FREM1: variants seen among roughly 807,000 people sequenced by gnomAD.
FREM1 encodes FRAS1-related extracellular matrix protein 1.
Under a neutral mutation model 210.1 loss-of-function variants are expected in FREM1, and 220 were observed. The observed-to-expected ratio is 1.05, with a 90% CI of 0.94 to 1.17. The LOEUF is 1.17. FREM1 is among the 50% of genes most tolerant of loss of function. The pLI, the probability that FREM1 is intolerant of heterozygous loss-of-function variation, is 0.00. For missense variants in FREM1, 3,454 were observed against 2,675.5 expected (o/e 1.29, Z -6.42); for synonymous variants, 1,189 against 980.2 (o/e 1.21, Z -3.98).
intron 36 of FREM1, 113 bp downstream of exon 36, chr9:14,740,036 T>A: frequency 1.7e-6 from 1 of 581,180 alleles, no homozygotes; most frequent in South Asian, 3.5e-5. Context: ...TGGTTGCCTA[T>A]TATTGTAAAC....
At position 14,747,358 on chromosome 9, in the gene FREM1, G is replaced by T; in HGVS notation, c.5915C>A (p.Ser1972Tyr). 2 of 1,613,614 alleles carry T rather than the reference G, an allele frequency of 1.2e-6. No homozygotes were observed. Among genetic ancestry groups the T allele is most frequent in the Non-Finnish European group, 1.7e-6 (2 of 1,179,682 alleles). ...TGTCTTTTGTGGCTGACTAATGATGGATACTTTGGCCTTCCTTTTGTGAGT... is the reference window on the plus strand; with the variant it reads ...TGTCTTTTGTGGCTGACTAATGATGTATACTTTGGCCTTCCTTTTGTGAGT... ...FPTHKRKAKV[S>Y]IISQPQKTIK... The change falls in exon 33 of 37, where the codon TCC becomes TAC. Residue 1972 changes from serine to tyrosine, a missense_variant. Ser to Tyr is a moderately radical substitution (Grantham distance 144). Coordinates refer to ENST00000380880, the MANE Select transcript of FREM1 (RefSeq NM_001379081.2).
chr9:14,877,354 T>C (rs1833948733), intron 1 of FREM1, among the ~76,000 whole-genome samples: 1 of 151,736 alleles, frequency 6.6e-6, no homozygotes, highest in African/African-American at 2.4e-5. Context: ...TCCCTCAGTC[T>C]TCCTTACCTT....
At chr9:14,872,632 C>A (rs56285264) in intron 1 of FREM1, among the ~76,000 whole-genome samples, 3,058 of 151,594 alleles carry the variant, frequency 0.02, 41 homozygotes, top group Non-Finnish European at 0.034. Context: ...AATTTGACTT[C>A]CTCTTTTCCT....
chr9:14,766,098 G>C (rs554632543), intron 27 of FREM1, among the ~76,000 whole-genome samples: 1 of 152,204 alleles, frequency 6.6e-6, no homozygotes, highest in South Asian at 2.1e-4. Context: ...CTTAGGTCTG[G>C]AGGTCAGGGT....
At chr9:14,778,468 G>T (rs1849005891) in intron 24 of FREM1, among the ~76,000 whole-genome samples, 2 of 149,896 alleles carry the variant, frequency 1.3e-5, no homozygotes, top group South Asian at 4.3e-4. Context: ...AAATTTAGCT[G>T]GGTGTGGTGC....
intron 10 of FREM1, among the ~76,000 whole-genome samples, chr9:14,826,745 T>C (rs866357669): frequency 3.2e-4 from 48 of 152,202 alleles, no homozygotes; most frequent in African/African-American, 1.1e-3. Flanking sequence ...ATGAATGAAC[T>C]TGTGCCTTAT....
chr9:14,769,053 G>C (rs149154291), intron 27 of FREM1, among the ~76,000 whole-genome samples: 161 of 152,276 alleles, frequency 1.1e-3, no homozygotes, highest in Non-Finnish European at 2.0e-3. Context: ...AGATATTCAA[G>C]GTCTACATTC....
chr9:14,779,285 T>A (rs1227539126), intron 24 of FREM1, among the ~76,000 whole-genome samples: 1 of 152,212 alleles, frequency 6.6e-6, no homozygotes, highest in Non-Finnish European at 1.5e-5. Flanking sequence ...GAGTGTTAAA[T>A]CAGCCATTGG....
chr9:14,885,263 T>C (rs1043209475), intron 1 of FREM1, among the ~76,000 whole-genome samples: 1 of 152,138 alleles, frequency 6.6e-6, no homozygotes, highest in African/African-American at 2.4e-5. Flanking sequence ...ATCTAGGTAG[T>C]TATCACCATT....
At chr9:14,765,412 G>A (rs1005296860) in intron 27 of FREM1, among the ~76,000 whole-genome samples, 3 of 152,142 alleles carry the variant, frequency 2.0e-5, no homozygotes, top group East Asian at 1.9e-4. Flanking sequence ...TCTGGGCCTC[G>A]GTTTTCATTA....
At chr9:14,811,543 C>T (rs1034241496) in intron 16 of FREM1, among the ~76,000 whole-genome samples, 1 of 152,074 alleles carries the variant, frequency 6.6e-6, no homozygotes, top group South Asian at 2.1e-4. Flanking sequence ...GAACTACGCT[C>T]CTCAGGACAA....
At chr9:14,801,560 T>A (rs1018275111) in intron 20 of FREM1, 92 bp downstream of exon 20, 3 of 846,294 alleles carry the variant, frequency 3.5e-6, no homozygotes, top group Non-Finnish European at 5.7e-6. Flanking sequence ...TCTCTGCTTA[T>A]ATTAGTTTGA....
In FREM1 at chr9:14,792,747, A is replaced by C. The variant is rs1851650466; in HGVS notation, c.3977T>G (p.Leu1326Arg). Residue 1326 changes from leucine (L) to arginine (R), a missense_variant, in exon 22 of 37, where the codon CTT becomes CGT. Leu to Arg is a moderately radical substitution (Grantham distance 102). Coordinates refer to ENST00000380880, the MANE Select transcript of FREM1 (RefSeq NM_001379081.2). ...TAAAAGTAAGAAGTCACTAACCTTA[A>C]GCTGAAGTTGCCCATTTTGGGGAAG... ...ERLPQNGQLQ[L>R]KIGRDWVPLS... The C allele has an allele frequency of 1.9e-6, 3 of 1,594,988 alleles. No homozygotes were observed. In the East Asian group the frequency reaches 6.7e-5, roughly 36 times the overall value.
chr9:14,812,715 T>A (rs1819620216), intron 16 of FREM1, 97 bp downstream of exon 16: 2 of 1,264,026 alleles, frequency 1.6e-6, no homozygotes, highest in African/African-American at 3.0e-5. Flanking sequence ...TTAATGGAAG[T>A]AACCATTCTG....
At chr9:14,862,418 C>A (rs1193344485) in intron 3 of FREM1, among the ~76,000 whole-genome samples, 1 of 152,162 alleles carries the variant, frequency 6.6e-6, no homozygotes, top group Non-Finnish European at 1.5e-5. Context: ...CCTATAAAGG[C>A]CTACTCCACA....
In FREM1 at chr9:14,836,635, G is replaced by A. The variant is rs10961747; in HGVS notation, c.1881+4812C>T. On this transcript the variant is annotated intron_variant, in intron 10 of 36. Transcript: ENST00000380880. The surrounding 1 kb of genome is among the most constrained non-coding windows in gnomAD (Gnocchi z 4.9). ...ATATGTCTTGAATTGATATTTGGAC[G>A]TTGTATATTCAGTACTATGACTCAA... Among the ~76,000 whole-genome samples the A allele has an allele frequency of 0.021, 3,124 of 152,188 alleles. 155 individuals carry two copies. The highest frequency in any genetic ancestry group is 0.14 in the East Asian group (738 of 5,168).
rs763936545 is a variant in FREM1 at position 14,857,617 on chromosome 9, G to T, written c.764C>A (p.Pro255His). ...TTGGATGGAGATATAATCAATGTTG[G>T]GTGAAGGGGGATCCAGATGCTGATA... Reference protein sequence around the residue: ...LRYQHLDPPSPNIDYISIQLD... With the variant: ...LRYQHLDPPSHNIDYISIQLD... Residue 255 changes from proline (P) to histidine (H), a missense_variant, in exon 5 of 37, where the codon CCC becomes CAC. Transcript: ENST00000380880. 1.2e-6 allele frequency: 2 copies of T among 1,613,828 alleles called. No individual in the cohort carries two copies. The highest frequency in any genetic ancestry group is 1.7e-6 in the Non-Finnish European group (2 of 1,179,862).
chr9:14,774,213 T>C (rs1402690920), intron 25 of FREM1: 1 of 507,830 alleles, frequency 2.0e-6, no homozygotes, highest in African/African-American at 2.0e-5. Context: ...TGAGGCTTCA[T>C]TTCATGTGTC....
At chr9:14,851,067 CTCTT>C (rs1827646650) in intron 6 of FREM1, among the ~76,000 whole-genome samples, 1 of 152,152 alleles carries the variant, frequency 6.6e-6, no homozygotes, top group Non-Finnish European at 1.5e-5. Context: ...GAGGGGATGG[CTCTT>C]TCTTCAGTTT....
Sources: allele counts gnomAD v4.1 joint callset (sites outside exome capture counted in the v4.1 genomes callset), GRCh38; gene constraint gnomAD v4.1.1; non-coding constraint Gnocchi (gnomAD v3.1); transcripts MANE v1.5; gene names NCBI Gene and HGNC (gene_info 2026-07-23, HGNC 2026-07-21).